Variants in DMXL1 observed in about 807,000 individuals in gnomAD.
DMXL1 encodes Dmx like 1.
A neutral mutation model predicts 319.2 loss-of-function variants in DMXL1; 99 were observed. The observed-to-expected ratio is 0.31, with a 90% confidence interval of 0.26 to 0.37. The LOEUF (loss-of-function observed/expected upper bound fraction) is 0.37. DMXL1 is among the 10% of genes least tolerant of loss of function. The pLI, the probability that DMXL1 is intolerant of heterozygous loss-of-function variation, is 1.00. For missense variants in DMXL1, 3,745 were observed against 3,595.6 expected (o/e 1.04, Z -1.06); for synonymous variants, 1,385 against 1,235.2 (o/e 1.12, Z -2.54).
chr5:119,194,562 T>TA (rs1484970378), intron 30 of DMXL1, among the ~76,000 whole-genome samples: 1 of 152,188 alleles, frequency 6.6e-6, no homozygotes, highest in African/African-American at 2.4e-5. Flanking sequence ...AATGGTGTGA[T>TA]AAAAAATGTG....
intron 13 of DMXL1, among the ~76,000 whole-genome samples, chr5:119,142,028 A>G (rs1350803658): frequency 6.6e-6 from 1 of 152,074 alleles, no homozygotes; most frequent in Non-Finnish European, 1.5e-5. Context: ...GATTCCATTA[A>G]TAAATGATGC....
intron 13 of DMXL1, among the ~76,000 whole-genome samples, chr5:119,137,797 T>C (rs1014993117): frequency 7.9e-5 from 12 of 152,192 alleles, no homozygotes; most frequent in African/African-American, 2.9e-4. Flanking sequence ...CTGTTAAAAT[T>C]ACCCAGTCTC....
At chr5:119,138,570 G>A (rs1273892544) in intron 13 of DMXL1, among the ~76,000 whole-genome samples, 1 of 152,180 alleles carries the variant, frequency 6.6e-6, no homozygotes, top group Non-Finnish European at 1.5e-5. Flanking sequence ...CAGGAACGAT[G>A]GCTCATGCCT....
chr5:119,217,899 T>G (rs953704544), intron 35 of DMXL1, among the ~76,000 whole-genome samples: 2 of 152,222 alleles, frequency 1.3e-5, no homozygotes, highest in South Asian at 2.1e-4. Flanking sequence ...TTCTGTGTGC[T>G]TCACTTAATT....
intron 39 of DMXL1, among the ~76,000 whole-genome samples, chr5:119,235,420 A>T (rs1002258703): frequency 6.6e-6 from 1 of 152,176 alleles, no homozygotes; most frequent in African/African-American, 2.4e-5. Context: ...TTATTAGAAA[A>T]GCTGAACAGC....
Position 119,125,826 on chromosome 5 carries a change from A to G in DMXL1, c.1103-3385A>G, listed in dbSNP as rs191846038. Among the ~76,000 whole-genome samples, 78 of 152,302 alleles carry G rather than the reference A, an allele frequency of 5.1e-4. 1 individual carries two copies. In the East Asian group the frequency reaches 0.014, roughly 28 times the overall value. On this transcript the variant is annotated intron_variant, in intron 9 of 43. Coordinates refer to ENST00000539542, the MANE Select transcript of DMXL1 (RefSeq NM_001290321.3). ...TGATCCACCCACCTTGACCTCCCAA[A>G]GCATTGGGAATACAGGCGTGAGCCA...
rs1057130744 is a variant in DMXL1, at chr5:119,129,099, A to G, written c.1103-112A>G. ...AAATAAAATTAAAAAGTGAAAGAGA[A>G]GGACTTTCAGGCAAACAAAATATAA... On this transcript the variant is annotated intron_variant, in intron 9 of 43. Coordinates refer to ENST00000539542, the MANE Select transcript of DMXL1 (RefSeq NM_001290321.3). The G allele has an allele frequency of 2.8e-5, 19 of 684,254 alleles. No homozygotes were observed. The Admixed American group carries it at 5.4e-4, about 20-fold the overall frequency. The allele number at this position is 684,254 out of a possible 1,614,324, so 42.4% of individuals were successfully genotyped here. A position where few individuals can be genotyped will look rare whatever the true frequency, so the allele number is the denominator to read the frequency against.
chr5:119,133,108 G>T, intron 10 of DMXL1, 24 bp from the exon 11 acceptor site: 1 of 1,611,920 alleles, frequency 6.2e-7, no homozygotes. Context: ...TATTTACTTG[G>T]TTCATGAACT....
chr5:119,152,901 C>G (rs1301312755), intron 19 of DMXL1, among the ~76,000 whole-genome samples: 27 of 152,042 alleles, frequency 1.8e-4, no homozygotes, highest in Admixed American at 1.8e-3. Context: ...GTTTCTCTCA[C>G]TATTTTCTTT....
intron 5 of DMXL1, 44 bp downstream of exon 5, chr5:119,110,327 T>C (rs778015272): frequency 6.9e-7 from 1 of 1,457,174 alleles, no homozygotes; most frequent in South Asian, 1.5e-5. Flanking sequence ...CCTGTTGTTC[T>C]ATGTGGTTTT....
intron 7 of DMXL1, among the ~76,000 whole-genome samples, chr5:119,117,880 C>A (rs1761184994): frequency 6.6e-6 from 1 of 152,218 alleles, no homozygotes; most frequent in African/African-American, 2.4e-5. Flanking sequence ...TTTGATTTCT[C>A]ATTTACTTTA....
intron 40 of DMXL1, chr5:119,238,772 A>G (rs1788218855): frequency 2.1e-6 from 1 of 471,490 alleles, no homozygotes; most frequent in South Asian, 9.4e-5. Context: ...AGGCAAAACA[A>G]ATGTGCCAAA....
Position 119,170,463 on chromosome 5 carries a change from T to A in DMXL1, c.5672T>A (p.Phe1891Tyr). 1.2e-6 allele frequency: 2 copies of A among 1,613,874 alleles called. No individual in the cohort carries two copies. The highest frequency in any genetic ancestry group is 1.6e-4 in the Middle Eastern group (1 of 6,062). ...MPKVIKKTRP[F>Y]YRASSFLDTS... is the part of the protein sequence containing the mutation. Reference sequence around the variant, plus strand: ...AAAGTCATCAAGAAAACAAGACCTTTTTATAGGGCTTCTAGTTTTCTGGAT... The same window carrying A: ...AAAGTCATCAAGAAAACAAGACCTTATTATAGGGCTTCTAGTTTTCTGGAT... Residue 1891 changes from phenylalanine (F) to tyrosine (Y), a missense_variant, in exon 24 of 44, where the codon TTT becomes TAT. Physicochemically the swap from Phe to Tyr is conservative, Grantham distance 22. Transcript: ENST00000539542.
In DMXL1 at chr5:119,148,797, T is replaced by C; in HGVS notation, c.2970T>C (p.Thr990=). 6.2e-7 allele frequency: 1 copy of C among 1,613,694 alleles called. No individual in the cohort carries two copies. Residue 990 remains threonine, a synonymous_variant, in exon 18 of 44, where the codon ACT becomes ACC. Transcript: ENST00000539542. ...PACSAPYLLA[T]SCSDEKVRFW... is the part of the protein sequence containing the mutation. ...GCAGTGCTCCTTATTTATTGGCAAC[T>C]TCATGTTCAGATGAGAAAGTAAGAT...
chr5:119,149,045 A>G lies in DMXL1; in HGVS notation c.3218A>G (p.Asp1073Gly). The G allele has an allele frequency of 1.2e-6, 2 of 1,613,946 alleles. No individual in the cohort carries two copies. Among genetic ancestry groups the G allele is most frequent in the South Asian group, 1.1e-5 (1 of 91,076 alleles). The change falls in exon 18 of 44, where the codon GAC (aspartate) becomes GGC (glycine). Residue 1073 changes from aspartate to glycine, a missense_variant. By Grantham distance (94) the Asp-to-Gly change is moderately conservative (BLOSUM62 -1). Transcript: ENST00000539542. ...GCATCTAATAGTAGATCTTCCCAGG[A>G]CTTTGTGATGCATGTAAGTATTTTT... ...QPASNSRSSQ[D>G]FVMHVSIFEC... is the part of the protein sequence containing the mutation.
In DMXL1 at chr5:119,170,923, A is replaced by G. The variant is rs756280001; in HGVS notation, c.6132A>G (p.Leu2044=). ...TTCTCACAGTAGAACTTCGTACTTTATCTACTGGCTATGAAATAGATGGTG... is the reference window on the plus strand; with the variant it reads ...TTCTCACAGTAGAACTTCGTACTTTGTCTACTGGCTATGAAATAGATGGTG... ...LKILTVELRT[L]STGYEIDGGK... is the part of the protein sequence containing the mutation. Residue 2044 remains leucine (L), a synonymous_variant, in exon 24 of 44, where the codon TTA becomes TTG. Coordinates refer to ENST00000539542, the MANE Select transcript of DMXL1 (RefSeq NM_001290321.3). 6.2e-7 allele frequency: 1 copy of G among 1,613,470 alleles called. No individual in the cohort carries two copies. Among genetic ancestry groups the G allele is most frequent in the Non-Finnish European group, 8.5e-7 (1 of 1,179,878 alleles).
Position 119,114,637 on chromosome 5 carries a change from T to C in DMXL1, c.564+96T>C, listed in dbSNP as rs1389327146. On this transcript the variant is annotated intron_variant, in intron 6 of 43. Transcript: ENST00000539542. ...GGCTTCATTCTTTTATTTATTTAACTTGAAAATAATAGTTTCCATTAAAAA... is the reference window on the plus strand; with the variant it reads ...GGCTTCATTCTTTTATTTATTTAACCTGAAAATAATAGTTTCCATTAAAAA... The C allele has an allele frequency of 3.6e-6, 3 of 829,058 alleles. No homozygotes were observed. The African/African-American group carries it at 5.4e-5, about 15-fold the overall frequency. The allele number at this position is 829,058 out of a possible 1,614,324, so 51.4% of individuals were successfully genotyped here.
chr5:119,217,122 T>A (rs915123051), intron 35 of DMXL1, 135 bp downstream of exon 35: 7 of 508,156 alleles, frequency 1.4e-5, no homozygotes, highest in African/African-American at 1.2e-4. Context: ...GATACTTTTT[T>A]AATTTTATAA....
At chr5:119,222,704 C>G (rs187048500) in intron 37 of DMXL1, among the ~76,000 whole-genome samples, 101 of 152,262 alleles carry the variant, frequency 6.6e-4, no homozygotes, top group African/African-American at 2.3e-3. Context: ...TTTCCCAATA[C>G]GGCTTTTAAA....
Sources: gnomAD v4.1 joint callset for allele counts (sites outside exome capture counted in the v4.1 genomes callset) on GRCh38, gnomAD v4.1.1 for gene constraint, MANE v1.5 for transcripts, NCBI Gene and HGNC (gene_info 2026-07-23, HGNC 2026-07-21) for gene names.